HUWE1: variants seen among roughly 807,000 people sequenced by gnomAD.
The protein encoded by HUWE1 is HECT, UBA and WWE domain containing E3 ubiquitin protein ligase 1.
Under a neutral mutation model 299.4 loss-of-function variants are expected in HUWE1, and 18 were observed. The observed-to-expected ratio is 0.06, with a 90% confidence interval of 0.04 to 0.09. The LOEUF (loss-of-function observed/expected upper bound fraction) is 0.09, where lower values mean the gene tolerates loss of function less well. Among genes scored for constraint, HUWE1 ranks in the 10% least tolerant of loss-of-function variants. The pLI, the probability that HUWE1 is intolerant of heterozygous loss-of-function variation, is 1.00. For synonymous variants in HUWE1, 1,317 were observed against 1,286.1 expected, an observed-to-expected ratio of 1.02 and a Z score of -0.51; for missense variants, 1,832 against 3,462.3, an observed-to-expected ratio of 0.53 and a Z score of 11.82.
chrX:53,628,432 T>G, intron 15 of HUWE1, 61 bp downstream of exon 15: 2 of 1,092,651 alleles, frequency 1.8e-6, no homozygotes, highest in South Asian at 4.2e-5. Context: ...AACTTGCATC[T>G]CTACACCCTT....
intron 59 of HUWE1, 77 bp from the exon 60 acceptor site, chrX:53,557,504 C>T (rs1049934877): frequency 5.0e-6 from 4 of 803,879 alleles, no homozygotes; most frequent in Non-Finnish European, 7.6e-6. Context: ...AGTCACCATC[C>T]TCCACCCAGA....
In HUWE1 at chrX:53,579,340, C is replaced by T. The variant is rs1395849842; in HGVS notation, c.5716+1491G>A. On this transcript the variant is annotated intron_variant, in intron 43 of 83. Coordinates refer to ENST00000262854, the MANE Select transcript of HUWE1 (RefSeq NM_031407.7). ...GAGGGTGGTGGGGGGGTCAGCCCCC[C>T]GCCCGGCCAGCCGCCCCATCCGGGA... Among the ~76,000 whole-genome samples, 796 of 101,563 alleles carry T rather than the reference C, an allele frequency of 7.8e-3. 8 individuals carry two copies. Among genetic ancestry groups the T allele is most frequent in the African/African-American group, 0.028 (758 of 27,446 alleles). The allele number at this position is 101,563 out of a possible 115,157, so 88.2% of individuals were successfully genotyped here.
chrX:53,613,878 T>C (rs1386971649), intron 23 of HUWE1, among the ~76,000 whole-genome samples: 1 of 111,985 alleles, frequency 8.9e-6, no homozygotes, highest in Non-Finnish European at 1.9e-5. Flanking sequence ...ATGTGGAATA[T>C]CAAATCAACA....
intron 2 of HUWE1, chrX:53,683,931 C>A: frequency 6.8e-6 from 2 of 292,214 alleles, no homozygotes; most frequent in Non-Finnish European, 1.2e-5. Context: ...GAGAATTCTC[C>A]GGCTTAGAAC....
At chrX:53,611,812 C>T (rs1479833996) in intron 23 of HUWE1, among the ~76,000 whole-genome samples, 5 of 106,911 alleles carry the variant, frequency 4.7e-5, no homozygotes, top group Admixed American at 2.0e-4. Context: ...GAGCTGAGCT[C>T]GTGCCTCTGC....
chrX:53,542,367 G>A (rs1212619938), intron 74 of HUWE1, 76 bp downstream of exon 74: 2 of 680,790 alleles, frequency 2.9e-6, no homozygotes, highest in Admixed American at 2.2e-5. Context: ...TATATGCTGG[G>A]AGCAGGGGAT....
At chrX:53,613,279 C>A (rs2065602243) in intron 23 of HUWE1, among the ~76,000 whole-genome samples, 1 of 111,705 alleles carries the variant, frequency 9.0e-6, no homozygotes, top group Non-Finnish European at 1.9e-5. Context: ...ACACTTGACA[C>A]CCACAGGCTC....
chrX:53,532,315 A>G lies in HUWE1; in HGVS notation c.*994T>C, dbSNP rs184996802. 1 of 111,085 alleles carries G rather than the reference A, an allele frequency of 9.0e-6. No homozygotes were observed. Among genetic ancestry groups the G allele is most frequent in the East Asian group, 2.8e-4 (1 of 3,552 alleles). 9.2% of individuals were successfully genotyped at this position (111,085 alleles called of 1,213,427 possible). A position where few individuals can be genotyped will look rare whatever the true frequency, so the allele number is the denominator to read the frequency against. On this transcript the variant is annotated 3_prime_UTR_variant, in exon 84 of 84. Transcript: ENST00000262854. ...TAATGGTCTTCTGGCGACCTAGTTA[A>G]ATTACTCGCTTATTAAAATTTATTA...
intron 11 of HUWE1, 76 bp from the exon 12 acceptor site, chrX:53,631,110 A>T: frequency 1.5e-6 from 1 of 650,719 alleles, no homozygotes; most frequent in Non-Finnish European, 2.6e-6. Flanking sequence ...CTAACTCAAA[A>T]AACAACACAA....
intron 27 of HUWE1, 28 bp downstream of exon 27, chrX:53,603,340 G>C (rs782570904): frequency 8.3e-7 from 1 of 1,200,520 alleles, no homozygotes; most frequent in Non-Finnish European, 1.1e-6. Context: ...AGATAACAAA[G>C]TAATAAGAGA....
At chrX:53,607,864 AG>A (rs1296728653) in intron 24 of HUWE1, among the ~76,000 whole-genome samples, 165 bp from the exon 25 acceptor site, 8 of 111,916 alleles carry the variant, frequency 7.1e-5, no homozygotes, top group Non-Finnish European at 1.3e-4. Context: ...TAAAACATCC[AG>A]GAAGTAAAGA....
intron 75 of HUWE1, 31 bp downstream of exon 75, chrX:53,539,626 T>C: frequency 8.3e-7 from 1 of 1,207,132 alleles, no homozygotes; most frequent in Non-Finnish European, 1.1e-6. Context: ...GACCACTGGG[T>C]TGGGACCTGG....
rs782707915 is a variant in HUWE1, at chrX:53,584,171, A to G, written c.5161+15T>C. The G allele has an allele frequency of 6.7e-6, 8 of 1,199,998 alleles. No individual in the cohort carries two copies. The African/African-American group carries it at 1.1e-4, about 16-fold the overall frequency. On this transcript the variant is annotated intron_variant, in intron 41 of 83. Coordinates refer to ENST00000262854, the MANE Select transcript of HUWE1 (RefSeq NM_031407.7). ...AAGGCACATTAGCTTTAGGTAAAAC[A>G]CTCTTGGTACATACCATTGCCTTTA...
intron 27 of HUWE1, 47 bp from the exon 28 acceptor site, chrX:53,602,705 A>ATTT: frequency 1.2e-5 from 8 of 651,156 alleles, no homozygotes; most frequent in South Asian, 2.8e-5. Flanking sequence ...ATATATATAT[A>ATTT]CTGATAATTC....
chrX:53,550,466 T>C (rs137950455), intron 66 of HUWE1, among the ~76,000 whole-genome samples, 200 bp downstream of exon 66: 3 of 112,180 alleles, frequency 2.7e-5, no homozygotes, highest in East Asian at 2.8e-4. Context: ...TTGTGGTCTT[T>C]GGTAGCAAGA....
chrX:53,581,039 GA>G lies in HUWE1; in HGVS notation c.5521-14del. 1.7e-6 allele frequency: 2 copies of G among 1,171,476 alleles called. No homozygotes were observed. Among genetic ancestry groups the G allele is most frequent in the Non-Finnish European group, 2.3e-6 (2 of 865,019 alleles). ...CTGAGCGAACAACCTAGTAAAGAGA[GA>G]AAGAAACACTGTCGATTAAACACTA... On this transcript the variant is annotated splice_polypyrimidine_tract_variant and intron_variant, in intron 42 of 83. Transcript: ENST00000262854.
chrX:53,679,588 G>C (rs1297177459), intron 3 of HUWE1, among the ~76,000 whole-genome samples: 1 of 111,342 alleles, frequency 9.0e-6, no homozygotes, highest in African/African-American at 3.3e-5. Context: ...CCAGGAGTTT[G>C]TGACCAGTCT....
At chrX:53,603,643 G>A (rs992058499) in intron 26 of HUWE1, 142 bp from the exon 27 acceptor site, 3 of 524,716 alleles carry the variant, frequency 5.7e-6, no homozygotes, top group Non-Finnish European at 9.6e-6. Flanking sequence ...TCATCAAAAT[G>A]TCCACACTCA....
intron 26 of HUWE1, 69 bp from the exon 27 acceptor site, chrX:53,603,570 A>C: frequency 1.9e-6 from 2 of 1,040,774 alleles, no homozygotes; most frequent in Non-Finnish European, 2.7e-6. Flanking sequence ...AAAAAAATTG[A>C]CCTTCAACAG....
Sources: allele counts gnomAD v4.1 joint callset (sites outside exome capture counted in the v4.1 genomes callset), GRCh38; gene constraint gnomAD v4.1.1; transcripts MANE v1.5; gene names NCBI Gene and HGNC (gene_info 2026-07-23, HGNC 2026-07-21).